MED13L: variants seen among roughly 807,000 people sequenced by gnomAD.
MED13L encodes mediator of RNA polymerase II transcription subunit 13-like.
A neutral mutation model predicts 220.9 loss-of-function variants in MED13L; 7 were observed. The ratio of observed to expected loss-of-function variants is 0.03; its 90% CI spans 0.02 to 0.06. MED13L has a LOEUF of 0.06. MED13L is among the 10% of genes least tolerant of loss of function. The pLI is 1.00. For synonymous variants in MED13L, 1,011 were observed against 1,015.2 expected, an observed-to-expected ratio of 1.00 and a Z score of 0.08; for missense variants, 1,965 against 2,760.5, an observed-to-expected ratio of 0.71 and a Z score of 6.46.
intron 4 of MED13L, among the ~76,000 whole-genome samples, chr12:116,085,719 C>T (rs927150837): frequency 5.8e-5 from 8 of 136,848 alleles, no homozygotes; most frequent in Non-Finnish European, 1.3e-4. Context: ...AGACTAAATT[C>T]TCATCTTCTA....
intron 30 of MED13L, among the ~76,000 whole-genome samples, chr12:115,962,240 C>T (rs758245819): frequency 2.4e-4 from 37 of 152,258 alleles, no homozygotes; most frequent in South Asian, 1.2e-3. Flanking sequence ...TCGTGGAAGA[C>T]AATTTTTCCA....
At chr12:116,129,773 G>A (rs1368823586) in intron 2 of MED13L, among the ~76,000 whole-genome samples, 1 of 152,144 alleles carries the variant, frequency 6.6e-6, no homozygotes, top group Non-Finnish European at 1.5e-5. Context: ...GCTGTACATG[G>A]TGGCGCGTGC....
At chr12:116,025,206 C>T (rs1434263888) in intron 4 of MED13L, among the ~76,000 whole-genome samples, 4 of 152,148 alleles carry the variant, frequency 2.6e-5, no homozygotes, top group African/African-American at 4.8e-5. Flanking sequence ...TTAAAATGGA[C>T]ATCATCAAAA....
intron 3 of MED13L, among the ~76,000 whole-genome samples, chr12:116,101,361 T>C (rs960294719): frequency 3.3e-5 from 5 of 152,222 alleles, no homozygotes; most frequent in Non-Finnish European, 7.3e-5. Flanking sequence ...TGCTCTATAT[T>C]GGGAGGTGCT....
intron 4 of MED13L, among the ~76,000 whole-genome samples, chr12:116,065,616 T>C (rs1869860193): frequency 6.6e-6 from 1 of 152,208 alleles, no homozygotes; most frequent in Non-Finnish European, 1.5e-5. Context: ...GAAAATATGA[T>C]TGCAATACAG....
At chr12:116,031,759 AGAAG>A (rs201576613) in intron 4 of MED13L, among the ~76,000 whole-genome samples, 785 of 40,948 alleles carry the variant, frequency 0.019, 45 homozygotes, top group East Asian at 0.026. Flanking sequence ...AGAAAAGAAA[AGAAG>A]GAAGGAAGGA....
intron 11 of MED13L, 149 bp from the exon 12 acceptor site, chr12:116,006,560 AAGAT>A (rs1266020255): frequency 1.7e-5 from 12 of 713,320 alleles, no homozygotes; most frequent in Non-Finnish European, 3.0e-5. Context: ...AAGGAAGTAA[AAGAT>A]AGGTCCTTTC....
intron 16 of MED13L, among the ~76,000 whole-genome samples, chr12:115,995,377 A>G (rs1333181335): frequency 6.6e-6 from 1 of 152,200 alleles, no homozygotes; most frequent in Admixed American, 6.5e-5. Context: ...CACTTTATTT[A>G]TTAAGAAATT....
intron 1 of MED13L, among the ~76,000 whole-genome samples, chr12:116,254,421 C>T (rs532063963): frequency 2.0e-5 from 3 of 152,080 alleles, no homozygotes; most frequent in South Asian, 2.1e-4. Flanking sequence ...AAATTAATGG[C>T]GTTTCTATAA....
intron 18 of MED13L, among the ~76,000 whole-genome samples, chr12:115,986,768 C>A (rs1245420115): frequency 6.6e-6 from 1 of 152,126 alleles, no homozygotes; most frequent in Non-Finnish European, 1.5e-5. Flanking sequence ...ACATCATTTC[C>A]TTCAAGATAA....
chr12:116,172,677 G>T (rs1879766658), intron 2 of MED13L, among the ~76,000 whole-genome samples: 1 of 152,068 alleles, frequency 6.6e-6, no homozygotes, highest in South Asian at 2.1e-4. Context: ...GTGACCTTAC[G>T]CTTTCACTTT....
chr12:116,236,003 G>T (rs1206260141), intron 2 of MED13L, among the ~76,000 whole-genome samples: 1 of 151,758 alleles, frequency 6.6e-6, no homozygotes, highest in Non-Finnish European at 1.5e-5. Flanking sequence ...TACTACATAG[G>T]GAAAAAAAGT....
chr12:116,031,185 T>TA (rs1303738214), intron 4 of MED13L, among the ~76,000 whole-genome samples: 1 of 152,022 alleles, frequency 6.6e-6, no homozygotes, highest in African/African-American at 2.4e-5. Flanking sequence ...GAATCCCTTT[T>TA]AAAAAATGGA....
intron 14 of MED13L, among the ~76,000 whole-genome samples, chr12:115,998,243 C>T (rs1878527323): frequency 6.6e-6 from 1 of 152,164 alleles, no homozygotes; most frequent in Admixed American, 6.5e-5. Context: ...TAAAATTTGG[C>T]CACTAGGGGG....
At chr12:116,032,770 G>A (rs1226668287) in intron 4 of MED13L, among the ~76,000 whole-genome samples, 1 of 152,058 alleles carries the variant, frequency 6.6e-6, no homozygotes, top group African/African-American at 2.4e-5. Context: ...TAACCACAGT[G>A]CTCAGAGGTT....
intron 1 of MED13L, among the ~76,000 whole-genome samples, chr12:116,242,779 A>C (rs939979132): frequency 6.6e-6 from 1 of 152,240 alleles, no homozygotes; most frequent in Admixed American, 6.5e-5. Flanking sequence ...TCCCAGAGCC[A>C]CACAGGTAGC....
In MED13L at chr12:116,277,409, C is replaced by CGCCGCTGCTGCCGCT; in HGVS notation, c.-293_-279dup. The CGCCGCTGCTGCCGCT allele has an allele frequency of 6.8e-5, 1 of 14,626 alleles. No individual in the cohort carries two copies. The highest frequency in any genetic ancestry group is 8.9e-4 in the South Asian group (1 of 1,122). 0.9% of individuals were successfully genotyped at this position (14,626 alleles called of 1,614,324 possible). A position where few individuals can be genotyped will look rare whatever the true frequency, so the allele number is the denominator to read the frequency against. On this transcript the variant is annotated 5_prime_UTR_variant, in exon 1 of 31. Transcript: ENST00000281928. ...TTCCCTGCTCCTCAGCCGCCGCCGC[C>CGCCGCTGCTGCCGCT]GCCGCTGCTGCCGCTGCCGCCGCCT...
chr12:116,018,912 C>CA (rs145679330), intron 7 of MED13L, among the ~76,000 whole-genome samples: 38,840 of 143,146 alleles, frequency 0.27, 5,180 homozygotes, highest in Middle Eastern at 0.33. Flanking sequence ...AAAAAAAAAA[C>CA]AAAAAAAAAC....
chr12:116,150,817 T>C (rs1024505338), intron 2 of MED13L, among the ~76,000 whole-genome samples: 2 of 152,178 alleles, frequency 1.3e-5, no homozygotes, highest in East Asian at 1.9e-4. Flanking sequence ...AACCCACATA[T>C]GGTACTTCAG....
Sources: gnomAD v4.1 joint callset for allele counts (sites outside exome capture counted in the v4.1 genomes callset) on GRCh38, gnomAD v4.1.1 for gene constraint, MANE v1.5 for transcripts, NCBI Gene and HGNC (gene_info 2026-07-23, HGNC 2026-07-21) for gene names.